The following FGF14 variants were observed in gnomAD, a reference collection of about 807,000 sequenced individuals.
FGF14 encodes the protein fibroblast growth factor 14.
In FGF14, 5 loss-of-function variants were observed where a neutral mutation model predicts 25.5. The observed-to-expected ratio is 0.20, with a 90% CI of 0.10 to 0.41. FGF14 has a LOEUF of 0.41. FGF14 is among the 10% of genes least tolerant of loss of function. FGF14 has a pLI of 1.00. For missense variants in FGF14, 222 were observed against 320.1 expected (o/e 0.69, Z 2.34); for synonymous variants, 138 against 118.3 (o/e 1.17, Z -1.08).
At chr13:101,733,591 CAAAAAAA>C (rs553475621) in intron 3 of FGF14, among the ~76,000 whole-genome samples, 2 of 97,372 alleles carry the variant, frequency 2.1e-5, no homozygotes, top group Non-Finnish European at 4.1e-5. Flanking sequence ...AAGACTCCAT[CAAAAAAA>C]AAAAAAAAAA....
At chr13:102,083,159 A>G (rs1015015046) in intron 1 of FGF14, among the ~76,000 whole-genome samples, 1 of 152,032 alleles carries the variant, frequency 6.6e-6, no homozygotes, top group African/African-American at 2.4e-5. Flanking sequence ...TGTCTACTCT[A>G]CCTTCAAATA....
At chr13:102,333,861 A>G (rs1403198959) in intron 1 of FGF14, among the ~76,000 whole-genome samples, 2 of 152,046 alleles carry the variant, frequency 1.3e-5, no homozygotes, top group East Asian at 3.9e-4. Context: ...CCACCACAGG[A>G]TGTTTCTTAT....
At position 102,215,902 on chromosome 13, in the gene FGF14, T is replaced by C. The variant is rs551884766; in HGVS notation, c.208+185569A>G. On this transcript the variant is annotated intron_variant, in intron 1 of 4. Coordinates refer to the FGF14 transcript ENST00000376131. ...TTCACTGATGAGTAGCGGTTGACTT[T>C]GTAATTTTCAAGTGGCCAAAGCAGA... is the stretch of plus-strand genomic sequence containing the variant. Among the ~76,000 whole-genome samples, 22 of 152,276 alleles carry C rather than the reference T, an allele frequency of 1.4e-4. 1 individual carries two copies. The highest frequency in any genetic ancestry group is 5.3e-4 in the African/African-American group (22 of 41,554).
rs765415883 is a variant in FGF14, at chr13:101,916,470, C to A, written c.176G>T (p.Arg59Leu). The A allele has an allele frequency of 3.1e-6, 5 of 1,613,806 alleles. No homozygotes were observed. Among genetic ancestry groups the A allele is most frequent in the African/African-American group, 1.3e-5 (1 of 74,930 alleles). The part of the protein sequence containing the change: ...SKVRIFGLKK[R>L]RLRRQDPQLK... ...CCACAGACCTTGGCGCCGCAACCTG[C>A]GCTTCTTGAGGCCGAAGATGCGCAC... Residue 59 changes from arginine (R) to leucine (L), a missense_variant, in exon 1 of 5, where the codon CGC becomes CTC. Physicochemically the swap from Arg to Leu is moderately radical, Grantham distance 102. This residue lies in a region of FGF14 where 80 missense variants were observed against 72.2 expected (regional missense o/e 1.11). Coordinates refer to ENST00000376143, the MANE Select transcript of FGF14 (RefSeq NM_004115.4).
Position 101,896,740 on chromosome 13 carries a change from T to C in FGF14, c.193+19713A>G, listed in dbSNP as rs76929521. ...AGGCAGACATGTATATCTGTGTGTG[T>C]GCTTTATCTACAATGATGCAATGCT... is the stretch of plus-strand genomic sequence containing the variant. On this transcript the variant is annotated intron_variant, in intron 1 of 4. Coordinates refer to ENST00000376143, the MANE Select transcript of FGF14 (RefSeq NM_004115.4). Among the ~76,000 whole-genome samples the C allele has an allele frequency of 6.2e-4, 94 of 152,296 alleles. 1 individual carries two copies. Among genetic ancestry groups the C allele is most frequent in the Non-Finnish European group, 1.2e-3 (82 of 68,014 alleles).
intron 1 of FGF14, among the ~76,000 whole-genome samples, chr13:102,020,430 C>T (rs1487412715): frequency 6.6e-6 from 1 of 152,080 alleles, no homozygotes; most frequent in Admixed American, 6.6e-5. Context: ...TGCCTGTAAT[C>T]CCAGCTACTT....
At chr13:102,102,126 G>A (rs1474505973) in intron 1 of FGF14, among the ~76,000 whole-genome samples, 1 of 152,314 alleles carries the variant, frequency 6.6e-6, no homozygotes, top group East Asian at 1.9e-4. Flanking sequence ...CAGTTGGTAT[G>A]AGTGATTAAC....
intron 1 of FGF14, among the ~76,000 whole-genome samples, chr13:102,118,910 T>C (rs914406438): frequency 6.6e-6 from 1 of 152,186 alleles, no homozygotes; most frequent in African/African-American, 2.4e-5. Flanking sequence ...TGACAATGAT[T>C]ATGCCTTTAC....
At chr13:102,239,818 TCCAAAAAGAGGA>T (rs1330665267) in intron 1 of FGF14, among the ~76,000 whole-genome samples, 2 of 152,244 alleles carry the variant, frequency 1.3e-5, no homozygotes, top group South Asian at 4.1e-4. Context: ...CAGGTCATCT[TCCAAAAAGAGGA>T]CCAGAATGTC....
At chr13:102,268,914 T>C (rs535457140) in intron 1 of FGF14, among the ~76,000 whole-genome samples, 8 of 152,300 alleles carry the variant, frequency 5.3e-5, no homozygotes, top group Admixed American at 2.0e-4. Flanking sequence ...GATCATTCAA[T>C]AGGTTACTGA....
At chr13:101,772,695 A>G (rs995031432) in intron 3 of FGF14, among the ~76,000 whole-genome samples, 2 of 152,110 alleles carry the variant, frequency 1.3e-5, no homozygotes, top group African/African-American at 4.8e-5. Context: ...CAATGTTAAG[A>G]AAGAAGATCC....
intron 3 of FGF14, among the ~76,000 whole-genome samples, chr13:101,812,310 T>C (rs1469914581): frequency 2.0e-5 from 3 of 152,032 alleles, no homozygotes; most frequent in Non-Finnish European, 2.9e-5. Context: ...ACTCCCAAGT[T>C]GTGAATGAAT....
intron 1 of FGF14, among the ~76,000 whole-genome samples, chr13:102,110,769 G>A (rs191316757): frequency 1.2e-3 from 184 of 152,042 alleles, no homozygotes; most frequent in Admixed American, 1.8e-3. Context: ...AATTTCAAGC[G>A]CCCCTCCATC....
At chr13:102,008,900 A>T (rs1365114667) in intron 1 of FGF14, among the ~76,000 whole-genome samples, 1 of 152,150 alleles carries the variant, frequency 6.6e-6, no homozygotes, top group Admixed American at 6.6e-5. Context: ...TATACGATCT[A>T]ATTTTACCAT....
chr13:102,172,441 A>G (rs1052639768), intron 1 of FGF14, among the ~76,000 whole-genome samples: 2 of 152,228 alleles, frequency 1.3e-5, no homozygotes, highest in Middle Eastern at 3.4e-3. Context: ...AAGAAGGAGA[A>G]TTTAGAGTAA....
chr13:102,199,334 C>A (rs1481042432), intron 1 of FGF14, among the ~76,000 whole-genome samples: 1 of 152,140 alleles, frequency 6.6e-6, no homozygotes, highest in African/African-American at 2.4e-5. Flanking sequence ...TACCACTTTA[C>A]CTCTAATACT....
intron 1 of FGF14, among the ~76,000 whole-genome samples, chr13:102,057,639 C>T (rs960950177): frequency 6.6e-6 from 1 of 152,022 alleles, no homozygotes. Flanking sequence ...GAGTAAATAG[C>T]TATTTATGGC....
At chr13:102,197,349 C>T (rs1260705963) in intron 1 of FGF14, among the ~76,000 whole-genome samples, 1 of 152,082 alleles carries the variant, frequency 6.6e-6, no homozygotes, top group Non-Finnish European at 1.5e-5. Flanking sequence ...CTGCCCTAGA[C>T]CCAGGGGTAC....
chr13:102,196,989 T>C (rs1305369779), intron 1 of FGF14, among the ~76,000 whole-genome samples: 2 of 151,526 alleles, frequency 1.3e-5, no homozygotes, highest in African/African-American at 2.4e-5. Context: ...AATGTAAACT[T>C]AAAGCAAGAT....
Sources: allele counts gnomAD v4.1 joint callset (sites outside exome capture counted in the v4.1 genomes callset), GRCh38; gene constraint gnomAD v4.1.1; regional missense constraint gnomAD v4.1.1; transcripts MANE v1.5; gene names NCBI Gene and HGNC (gene_info 2026-07-23, HGNC 2026-07-21).